The following TDRD3 variants were observed in gnomAD, a reference collection of about 807,000 sequenced individuals.
TDRD3 encodes the protein tudor domain-containing protein 3.
A neutral mutation model predicts 86.7 loss-of-function variants in TDRD3; 45 were observed. The ratio of observed to expected loss-of-function variants is 0.52; its 90% confidence interval spans 0.41 to 0.67. The LOEUF (loss-of-function observed/expected upper bound fraction) is 0.67, where lower values mean the gene tolerates loss of function less well. Among genes scored for constraint, TDRD3 ranks in the 30% least tolerant of loss-of-function variants. The pLI is 0.00. For missense variants in TDRD3, 814 were observed against 889.0 expected, an observed-to-expected ratio of 0.92 and a Z score of 1.07; for synonymous variants, 298 against 301.7, an observed-to-expected ratio of 0.99 and a Z score of 0.13.
intron 1 of TDRD3, among the ~76,000 whole-genome samples, chr13:60,414,249 A>G (rs546149572): frequency 6.6e-6 from 1 of 152,286 alleles, no homozygotes; most frequent in African/African-American, 2.4e-5. Context: ...GAAAGATTAT[A>G]TAGCTTTATC....
chr13:60,421,577 G>A (rs1954660600), intron 1 of TDRD3, among the ~76,000 whole-genome samples: 2 of 152,164 alleles, frequency 1.3e-5, no homozygotes, highest in Admixed American at 6.5e-5. Flanking sequence ...AGAAAATGGT[G>A]GCAGTGTAGT....
At chr13:60,480,573 C>G (rs1168421634) in intron 5 of TDRD3, among the ~76,000 whole-genome samples, 3 of 152,318 alleles carry the variant, frequency 2.0e-5, no homozygotes, top group Admixed American at 2.0e-4. Flanking sequence ...ATTCTGTCTT[C>G]AAATATGTTT....
At chr13:60,532,875 TAA>T (rs985063546) in intron 11 of TDRD3, among the ~76,000 whole-genome samples, 15 of 152,192 alleles carry the variant, frequency 9.9e-5, no homozygotes, top group African/African-American at 3.6e-4. Flanking sequence ...TCCTTCTAGT[TAA>T]AGTCTTCACT....
At chr13:60,458,891 A>G (rs974525632) in intron 3 of TDRD3, among the ~76,000 whole-genome samples, 6 of 152,268 alleles carry the variant, frequency 3.9e-5, no homozygotes, top group Non-Finnish European at 7.3e-5. Context: ...TATAATAACC[A>G]TAACATGCCT....
chr13:60,411,093 A>G (rs971757932), intron 1 of TDRD3, among the ~76,000 whole-genome samples: 38 of 152,208 alleles, frequency 2.5e-4, no homozygotes, highest in Admixed American at 2.2e-3. Flanking sequence ...GTTAATAAAC[A>G]TATCTAGCTG....
chr13:60,478,240 TA>T (rs1404170045), intron 5 of TDRD3, among the ~76,000 whole-genome samples: 1 of 151,802 alleles, frequency 6.6e-6, no homozygotes, highest in Admixed American at 6.6e-5. Context: ...TTTCTGATTG[TA>T]CCGATTTGGA....
At chr13:60,472,728 G>A (rs1956098554) in intron 5 of TDRD3, among the ~76,000 whole-genome samples, 4 of 152,146 alleles carry the variant, frequency 2.6e-5, no homozygotes, top group African/African-American at 7.2e-5. Flanking sequence ...TGTTTACAGC[G>A]GCAGAGGGCA....
chr13:60,402,603 A>G (rs1220311626), intron 1 of TDRD3, among the ~76,000 whole-genome samples: 1 of 151,962 alleles, frequency 6.6e-6, no homozygotes, highest in African/African-American at 2.4e-5. Flanking sequence ...ACAGGCAGAT[A>G]TAAATAGCTT....
intron 7 of TDRD3, among the ~76,000 whole-genome samples, chr13:60,493,339 GCTT>G (rs1956639776): frequency 6.6e-6 from 1 of 151,816 alleles, no homozygotes; most frequent in Non-Finnish European, 1.5e-5. Context: ...AATTGTTTTA[GCTT>G]CTTCTTTTAT....
chr13:60,429,519 TAGC>T (rs1954899844), intron 1 of TDRD3, among the ~76,000 whole-genome samples: 1 of 152,158 alleles, frequency 6.6e-6, no homozygotes. Flanking sequence ...ACAAAAACAA[TAGC>T]AGTTCATTTT....
At chr13:60,476,616 G>A (rs1227177017) in intron 5 of TDRD3, among the ~76,000 whole-genome samples, 1 of 152,040 alleles carries the variant, frequency 6.6e-6, no homozygotes, top group Non-Finnish European at 1.5e-5. Flanking sequence ...AGTTTGATAG[G>A]AATAGTGTTG....
intron 7 of TDRD3, among the ~76,000 whole-genome samples, chr13:60,490,050 GTTTTTT>G (rs11397531): frequency 8.1e-5 from 9 of 111,050 alleles, no homozygotes; most frequent in African/African-American, 2.4e-4. Flanking sequence ...AAGCATCTTA[GTTTTTT>G]TTTTTTTTTT....
intron 12 of TDRD3, among the ~76,000 whole-genome samples, chr13:60,555,710 T>A (rs1464756737): frequency 1.3e-5 from 2 of 152,200 alleles, no homozygotes; most frequent in Non-Finnish European, 2.9e-5. Context: ...CTGATGAGTA[T>A]CATTTAGTTC....
intron 5 of TDRD3, among the ~76,000 whole-genome samples, chr13:60,481,349 G>GT (rs796837758): frequency 0.21 from 28,799 of 137,154 alleles, 3,239 homozygotes; most frequent in South Asian, 0.28. Flanking sequence ...CCCTCTTTGT[G>GT]TTTTTTTTTT....
At chr13:60,553,743 A>G (rs1293793886) in intron 12 of TDRD3, among the ~76,000 whole-genome samples, 1 of 152,104 alleles carries the variant, frequency 6.6e-6, no homozygotes, top group Non-Finnish European at 1.5e-5. Context: ...TCACGAGAAC[A>G]GCATGGGGGA....
At chr13:60,495,320 C>T (rs1394048336) in intron 8 of TDRD3, among the ~76,000 whole-genome samples, 1 of 152,160 alleles carries the variant, frequency 6.6e-6, no homozygotes, top group East Asian at 1.9e-4. Context: ...AATGGATTCA[C>T]CTTACCCACT....
intron 12 of TDRD3, among the ~76,000 whole-genome samples, chr13:60,540,182 A>G (rs1418056424): frequency 1.3e-5 from 2 of 152,142 alleles, no homozygotes; most frequent in African/African-American, 4.8e-5. Context: ...ATTTTGGGAA[A>G]CTTTCAGAGA....
At chr13:60,427,968 G>A (rs1954852867) in intron 1 of TDRD3, among the ~76,000 whole-genome samples, 2 of 152,056 alleles carry the variant, frequency 1.3e-5, no homozygotes, top group Admixed American at 1.3e-4. Context: ...CAGTTCTGGA[G>A]ATCAGAAGTC....
intron 3 of TDRD3, among the ~76,000 whole-genome samples, chr13:60,452,528 G>T (rs1955573708): frequency 6.6e-6 from 1 of 151,660 alleles, no homozygotes; most frequent in Admixed American, 6.6e-5. Context: ...CCTTTTCTTG[G>T]TATTTCACGT....
Sources: allele counts gnomAD v4.1 joint callset (sites outside exome capture counted in the v4.1 genomes callset), GRCh38; gene constraint gnomAD v4.1.1; transcripts MANE v1.5; gene names NCBI Gene and HGNC (gene_info 2026-07-23, HGNC 2026-07-21).